The following CNTN3 variants were observed in gnomAD, a reference collection of about 807,000 sequenced individuals.
CNTN3 encodes the protein contactin-3.
CNTN3 carries 60 observed loss-of-function variants against 119.1 expected under a neutral mutation model. The observed-to-expected ratio is 0.50, with a 90% CI of 0.41 to 0.62. The LOEUF is 0.62. Ranked by LOEUF, CNTN3 falls within the 20% of genes least tolerant of loss-of-function variation. The pLI is 0.00. For missense variants in CNTN3, 1,101 were observed against 1,242.4 expected (o/e 0.89, Z 1.71); for synonymous variants, 450 against 438.7 (o/e 1.03, Z -0.32).
At chr3:74,478,053 G>C (rs914951819) in intron 4 of CNTN3, among the ~76,000 whole-genome samples, 1 of 152,088 alleles carries the variant, frequency 6.6e-6, no homozygotes, top group Non-Finnish European at 1.5e-5. Flanking sequence ...GTAGGTAAGA[G>C]ATAGTCTATA....
intron 4 of CNTN3, among the ~76,000 whole-genome samples, chr3:74,467,334 C>A (rs546842205): frequency 6.6e-6 from 1 of 152,008 alleles, no homozygotes; most frequent in Admixed American, 6.6e-5. Context: ...GATTTGAAGT[C>A]GTAACTCCAA....
intron 1 of CNTN3, among the ~76,000 whole-genome samples, chr3:74,567,802 G>A (rs1349882115): frequency 2.6e-5 from 4 of 152,184 alleles, no homozygotes; most frequent in East Asian, 3.9e-4. Flanking sequence ...ATGTGAAAGC[G>A]CTAGGAGAAT....
intron 11 of CNTN3, among the ~76,000 whole-genome samples, chr3:74,353,177 A>T: frequency 6.6e-6 from 1 of 152,180 alleles, no homozygotes; most frequent in Non-Finnish European, 1.5e-5. Context: ...CACCTAAAAC[A>T]GATTTGTTTG....
At chr3:74,458,875 C>T (rs575790337) in intron 4 of CNTN3, among the ~76,000 whole-genome samples, 4 of 152,124 alleles carry the variant, frequency 2.6e-5, no homozygotes, top group Non-Finnish European at 4.4e-5. Context: ...GGTTCCAAAG[C>T]CCATAGCCCT....
At chr3:74,538,840 C>A (rs1471955653) in intron 1 of CNTN3, among the ~76,000 whole-genome samples, 1 of 151,926 alleles carries the variant, frequency 6.6e-6, no homozygotes, top group Non-Finnish European at 1.5e-5. Flanking sequence ...TAGCCACAAC[C>A]CAACCCTTGC....
intron 3 of CNTN3, among the ~76,000 whole-genome samples, chr3:74,496,253 T>C (rs1559632544): frequency 6.6e-6 from 1 of 152,108 alleles, no homozygotes; most frequent in Non-Finnish European, 1.5e-5. Flanking sequence ...CATTATGTTT[T>C]AAAAGAAAAA....
At chr3:74,607,692 G>A (rs923772247) in intron 1 of CNTN3, among the ~76,000 whole-genome samples, 1 of 152,162 alleles carries the variant, frequency 6.6e-6, no homozygotes, top group African/African-American at 2.4e-5. Context: ...AGGTAAAGGA[G>A]TTCATGATAT....
At chr3:74,417,519 G>T (rs1403097745) in intron 5 of CNTN3, among the ~76,000 whole-genome samples, 1 of 152,128 alleles carries the variant, frequency 6.6e-6, no homozygotes, top group Non-Finnish European at 1.5e-5. Flanking sequence ...ATCAATGAAT[G>T]AATACAATGG....
At chr3:74,327,127 T>G (rs909006381) in intron 13 of CNTN3, among the ~76,000 whole-genome samples, 15 of 145,436 alleles carry the variant, frequency 1.0e-4, no homozygotes, top group African/African-American at 3.3e-4. Flanking sequence ...TTTTTTTTTT[T>G]TTTTGTTTGT....
intron 5 of CNTN3, among the ~76,000 whole-genome samples, chr3:74,398,180 A>G (rs964152531): frequency 1.3e-5 from 2 of 152,234 alleles, no homozygotes; most frequent in Admixed American, 1.3e-4. Flanking sequence ...TCCTCTGGAC[A>G]AAATGTTATC....
At chr3:74,487,838 C>G (rs77986969) in intron 3 of CNTN3, among the ~76,000 whole-genome samples, 1 of 152,062 alleles carries the variant, frequency 6.6e-6, no homozygotes, top group South Asian at 2.1e-4. Context: ...ATGGCTGACT[C>G]AAGCAATGGT....
intron 1 of CNTN3, among the ~76,000 whole-genome samples, chr3:74,574,612 G>A (rs1248914482): frequency 6.6e-6 from 1 of 152,144 alleles, no homozygotes; most frequent in African/African-American, 2.4e-5. Context: ...TGGAAGTCAT[G>A]CTGTTTTTCT....
intron 5 of CNTN3, among the ~76,000 whole-genome samples, chr3:74,384,918 C>G (rs1704711247): frequency 6.6e-6 from 1 of 152,070 alleles, no homozygotes; most frequent in Non-Finnish European, 1.5e-5. Context: ...ATGTTTATTT[C>G]TTTCATCCCT....
chr3:74,310,959 C>T (rs573661524), intron 13 of CNTN3, among the ~76,000 whole-genome samples: 1 of 152,274 alleles, frequency 6.6e-6, no homozygotes, highest in East Asian at 1.9e-4. Flanking sequence ...TCTTGGGATC[C>T]TCTTACAAGA....
intron 4 of CNTN3, among the ~76,000 whole-genome samples, chr3:74,445,668 G>A (rs1399775834): frequency 1.3e-5 from 2 of 152,154 alleles, no homozygotes; most frequent in African/African-American, 4.8e-5. Context: ...ATTTCATATA[G>A]CCTCTTAATG....
intron 1 of CNTN3, among the ~76,000 whole-genome samples, chr3:74,568,918 C>A (rs780831144): frequency 3.0e-4 from 46 of 152,162 alleles, no homozygotes; most frequent in Non-Finnish European, 6.0e-4. Flanking sequence ...ATGTGCTTTT[C>A]TGACACGACC....
intron 18 of CNTN3, among the ~76,000 whole-genome samples, chr3:74,295,476 C>T (rs977109311): frequency 6.6e-6 from 1 of 152,168 alleles, no homozygotes; most frequent in East Asian, 1.9e-4. Context: ...TCCTCCCTTG[C>T]ACCTCTTTCT....
chr3:74,612,260 C>A (rs1259232983), intron 1 of CNTN3, among the ~76,000 whole-genome samples: 2 of 152,080 alleles, frequency 1.3e-5, no homozygotes, highest in Non-Finnish European at 2.9e-5. Context: ...AATAACTGGG[C>A]ATATATGAAA....
At chr3:74,555,996 T>C (rs1704063194) in intron 1 of CNTN3, among the ~76,000 whole-genome samples, 1 of 152,116 alleles carries the variant, frequency 6.6e-6, no homozygotes, top group South Asian at 2.1e-4. Flanking sequence ...TGTAGTGGGG[T>C]TGCTCATTTT....
Sources: allele counts gnomAD v4.1 joint callset (sites outside exome capture counted in the v4.1 genomes callset), GRCh38; gene constraint gnomAD v4.1.1; transcripts MANE v1.5; gene names NCBI Gene and HGNC (gene_info 2026-07-23, HGNC 2026-07-21).